The following PHF21B variants were observed in gnomAD, a reference collection of about 807,000 sequenced individuals.
The protein encoded by PHF21B is PHD finger protein 21B, also known as PHD finger protein 4.
PHF21B carries 22 observed loss-of-function variants against 62.2 expected under a neutral mutation model. The observed-to-expected ratio is 0.35, with a 90% CI of 0.25 to 0.51. The LOEUF (loss-of-function observed/expected upper bound fraction) is 0.51. Among genes scored for constraint, PHF21B ranks in the 20% least tolerant of loss-of-function variants. The pLI is 0.97. For missense variants in PHF21B, 701 were observed against 707.9 expected (o/e 0.99, Z 0.11); for synonymous variants, 341 against 314.7 (o/e 1.08, Z -0.88).
chr22:45,009,470 C>A lies in PHF21B; in HGVS notation c.54+26G>T. The A allele has an allele frequency of 6.5e-7, 1 of 1,527,898 alleles. No homozygotes were observed. Among genetic ancestry groups the A allele is most frequent in the Non-Finnish European group, 8.7e-7 (1 of 1,143,900 alleles). The allele number at this position is 1,527,898 out of a possible 1,614,324, so 94.6% of individuals were successfully genotyped here. A position where few individuals can be genotyped will look rare whatever the true frequency, so the allele number is the denominator to read the frequency against. ...CTCACCCCGCAACACACTCCCCGGC[C>A]CCGGGCCCGGCCCCCGGCCACCTAC... On this transcript the variant is annotated intron_variant, in intron 1 of 12. Transcript: ENST00000313237. This position sits in a 1 kb window ranked among gnomAD's most constrained non-coding sequence, Gnocchi z 5.9.
intron 5 of PHF21B, among the ~76,000 whole-genome samples, chr22:44,905,704 C>T (rs2071237782): frequency 4.6e-5 from 7 of 152,200 alleles, no homozygotes; most frequent in Admixed American, 4.6e-4. Flanking sequence ...TCTCAGCTCA[C>T]TGCAAGCTCC....
chr22:44,999,762 C>A (rs575845967), intron 2 of PHF21B, among the ~76,000 whole-genome samples: 1 of 152,226 alleles, frequency 6.6e-6, no homozygotes, highest in African/African-American at 2.4e-5. Flanking sequence ...CACGGCTTCT[C>A]TACTCACCAG....
At chr22:44,905,695 C>T (rs2071237463) in intron 5 of PHF21B, among the ~76,000 whole-genome samples, 1 of 152,198 alleles carries the variant, frequency 6.6e-6, no homozygotes, top group Non-Finnish European at 1.5e-5. Context: ...GTGGCACCAT[C>T]TCAGCTCACT....
chr22:45,006,629 T>TCAAA (rs1166420066), intron 2 of PHF21B, among the ~76,000 whole-genome samples: 2 of 152,074 alleles, frequency 1.3e-5, no homozygotes, highest in African/African-American at 4.8e-5. Context: ...GAAGAAATGA[T>TCAAA]CAAACCCAAG....
intron 2 of PHF21B, among the ~76,000 whole-genome samples, chr22:44,942,054 G>A (rs946196981): frequency 1.2e-4 from 19 of 152,186 alleles, no homozygotes; most frequent in Admixed American, 1.2e-3. Flanking sequence ...ATGCGGCCCT[G>A]GGGACTCAGA....
chr22:44,914,903 G>T (rs887614917), intron 4 of PHF21B, among the ~76,000 whole-genome samples: 1 of 152,182 alleles, frequency 6.6e-6, no homozygotes, highest in Non-Finnish European at 1.5e-5. Context: ...TATTTCTTTG[G>T]ACAGGAAATT....
At chr22:44,892,542 C>A (rs540434249) in intron 7 of PHF21B, among the ~76,000 whole-genome samples, 48 of 152,242 alleles carry the variant, frequency 3.2e-4, no homozygotes, top group Non-Finnish European at 3.7e-4. Context: ...ACTTTCCTCA[C>A]CTTCCTCCAG....
At position 45,009,302 on chromosome 22, in the gene PHF21B, C is replaced by T. The variant is rs1275627035; in HGVS notation, c.54+194G>A. 1 of 623,624 alleles carries T rather than the reference C, an allele frequency of 1.6e-6. No homozygotes were observed. Among genetic ancestry groups the T allele is most frequent in the African/African-American group, 2.0e-5 (1 of 51,250 alleles). The allele number at this position is 623,624 out of a possible 1,614,324, so 38.6% of individuals were successfully genotyped here. A position where few individuals can be genotyped will look rare whatever the true frequency, so the allele number is the denominator to read the frequency against. On this transcript the variant is annotated intron_variant, in intron 1 of 12. Coordinates refer to ENST00000313237, the MANE Select transcript of PHF21B (RefSeq NM_138415.5). This position sits in a 1 kb window ranked among gnomAD's most constrained non-coding sequence, Gnocchi z 5.9. ...CCTCGATCCCGCAAACTGTGCAGGA[C>T]AGCGCCAGGGGCAGGCGGAGGGGAG...
At chr22:44,913,411 C>T (rs2071379241) in intron 5 of PHF21B, among the ~76,000 whole-genome samples, 1 of 152,198 alleles carries the variant, frequency 6.6e-6, no homozygotes, top group Admixed American at 6.5e-5. Flanking sequence ...CCAAAAGTCC[C>T]CACCAGGTGC....
intron 3 of PHF21B, among the ~76,000 whole-genome samples, chr22:44,919,276 G>T (rs1279530323): frequency 6.6e-6 from 1 of 152,230 alleles, no homozygotes; most frequent in African/African-American, 2.4e-5. Flanking sequence ...GACCAAGCCT[G>T]TCCAAACCAC....
intron 9 of PHF21B, among the ~76,000 whole-genome samples, chr22:44,889,309 G>A (rs894576011): frequency 6.6e-6 from 1 of 152,218 alleles, no homozygotes; most frequent in African/African-American, 2.4e-5. Flanking sequence ...GGCCCCACAG[G>A]ATCACAGAAA....
chr22:44,896,576 T>C lies in PHF21B; in HGVS notation c.832-493A>G, dbSNP rs537444520. Among the ~76,000 whole-genome samples, 6 of 152,254 alleles carry C rather than the reference T, an allele frequency of 3.9e-5. No homozygotes were observed. In the East Asian group the frequency reaches 9.6e-4, roughly 24 times the overall value. On this transcript the variant is annotated intron_variant, in intron 5 of 12. Transcript: ENST00000313237. ...TGTCACATAACACGTCACTGGTTCA[T>C]AACACATTTGCATCATTGGTCCTTT... is the stretch of plus-strand genomic sequence containing the variant.
chr22:44,989,218 C>G (rs1288532355), intron 2 of PHF21B: 4 of 152,256 alleles, frequency 2.6e-5, no homozygotes, highest in Non-Finnish European at 4.4e-5. Context: ...GAACTCTTCA[C>G]ATGGATGTTC....
chr22:44,905,598 G>A (rs2071234567), intron 5 of PHF21B, among the ~76,000 whole-genome samples: 1 of 152,116 alleles, frequency 6.6e-6, no homozygotes, highest in South Asian at 2.1e-4. Flanking sequence ...ATTCTGTCGA[G>A]ACTTACCTGG....
chr22:44,935,544 G>A (rs192315093), intron 2 of PHF21B, among the ~76,000 whole-genome samples: 2 of 152,214 alleles, frequency 1.3e-5, no homozygotes, highest in East Asian at 3.9e-4. Flanking sequence ...AACCCGGGAG[G>A]TGGAGCTTGC....
At chr22:44,998,867 C>T (rs2073164658) in intron 2 of PHF21B, among the ~76,000 whole-genome samples, 1 of 152,194 alleles carries the variant, frequency 6.6e-6, no homozygotes, top group Admixed American at 6.5e-5. Context: ...CCCATTCATC[C>T]CCGGGACATC....
At chr22:44,897,808 T>G (rs1178341797) in intron 5 of PHF21B, among the ~76,000 whole-genome samples, 1 of 152,040 alleles carries the variant, frequency 6.6e-6, no homozygotes, top group Non-Finnish European at 1.5e-5. Flanking sequence ...TTGGATTTCT[T>G]TAGTCTTTTT....
chr22:44,893,569 G>T (rs1197933720), intron 6 of PHF21B, 36 bp from the exon 7 acceptor site: 2 of 1,563,534 alleles, frequency 1.3e-6, no homozygotes, highest in Non-Finnish European at 1.7e-6. Context: ...ACTGGGTCCT[G>T]CCTGCCCTGG....
In PHF21B at chr22:45,009,791, G is replaced by C; in HGVS notation, c.-242C>G. ...CTCCTCAGGCTGCCCGGCAAGTTGC[G>C]CCGGGTCCCCGGGCTGCCGGCGCGG... On this transcript the variant is annotated 5_prime_UTR_variant, in exon 1 of 13. Coordinates refer to ENST00000313237, the MANE Select transcript of PHF21B (RefSeq NM_138415.5). The surrounding 1 kb of genome is among the most constrained non-coding windows in gnomAD (Gnocchi z 5.9). 1 of 236,556 alleles carries C rather than the reference G, an allele frequency of 4.2e-6. No individual in the cohort carries two copies. Among genetic ancestry groups the C allele is most frequent in the East Asian group, 7.6e-5 (1 of 13,240 alleles). The allele number at this position is 236,556 out of a possible 1,614,324, so 14.7% of individuals were successfully genotyped here. A position where few individuals can be genotyped will look rare whatever the true frequency, so the allele number is the denominator to read the frequency against.
Sources: allele counts gnomAD v4.1 joint callset (sites outside exome capture counted in the v4.1 genomes callset), GRCh38; gene constraint gnomAD v4.1.1; non-coding constraint Gnocchi (gnomAD v3.1); transcripts MANE v1.5; gene names NCBI Gene and HGNC (gene_info 2026-07-23, HGNC 2026-07-21).